Variants in LRP1B observed in about 807,000 individuals in gnomAD.
LRP1B encodes low-density lipoprotein receptor-related protein 1B.
A neutral mutation model predicts 556.6 loss-of-function variants in LRP1B; 217 were observed. The observed-to-expected ratio is 0.39, with a 90% CI of 0.35 to 0.44. The LOEUF (loss-of-function observed/expected upper bound fraction) is 0.44, where lower values mean the gene tolerates loss of function less well. Ranked by LOEUF, LRP1B falls within the 20% of genes least tolerant of loss-of-function variation. LRP1B has a pLI of 1.00. For missense variants in LRP1B, 5,053 were observed against 5,620.8 expected (o/e 0.90, Z 3.23); for synonymous variants, 2,047 against 1,865.8 (o/e 1.10, Z -2.50).
chr2:141,789,615 C>A (rs1695544801), intron 2 of LRP1B, among the ~76,000 whole-genome samples: 1 of 151,812 alleles, frequency 6.6e-6, no homozygotes, highest in East Asian at 1.9e-4. Context: ...TAAAAAAATT[C>A]ATATGGAACA....
intron 1 of LRP1B, among the ~76,000 whole-genome samples, chr2:141,995,981 C>T (rs771615533): frequency 4.6e-5 from 7 of 152,022 alleles, no homozygotes; most frequent in Non-Finnish European, 8.8e-5. Context: ...AGGCAGGAAG[C>T]GGTGGCTCAC....
intron 32 of LRP1B, among the ~76,000 whole-genome samples, chr2:140,799,038 T>A (rs1690415473): frequency 6.6e-6 from 1 of 152,192 alleles, no homozygotes; most frequent in African/African-American, 2.4e-5. Context: ...AAAAAATATA[T>A]AATTAATTTA....
rs1284985676 is a variant in LRP1B at position 140,966,123 on chromosome 2, T to C, written c.2888-14183A>G. ...TTTCTAGTTCTAGATCCTTGAGGAA[T>C]CACCACACCGTCTTCTACAATGGTT... On this transcript the variant is annotated intron_variant, in intron 18 of 90. Coordinates refer to ENST00000389484, the MANE Select transcript of LRP1B (RefSeq NM_018557.3). Among the ~76,000 whole-genome samples the C allele has an allele frequency of 3.9e-5, 6 of 152,348 alleles. No homozygotes were observed. The East Asian group carries it at 1.2e-3, about 29-fold the overall frequency.
At chr2:141,860,693 T>C (rs1221475374) in intron 1 of LRP1B, among the ~76,000 whole-genome samples, 2 of 152,134 alleles carry the variant, frequency 1.3e-5, no homozygotes, top group African/African-American at 4.8e-5. Context: ...TAAATAAAAA[T>C]AATGAAACAC....
In LRP1B at chr2:141,570,674, G is replaced by A. The variant is rs190257915; in HGVS notation, c.206-90141C>T. ...TAAGCTCCCCGGTTGGGGGAAGGGCGGCATCCATCTCTATAGCTTCAGGCT... is the reference window on the plus strand; with the variant it reads ...TAAGCTCCCCGGTTGGGGGAAGGGCAGCATCCATCTCTATAGCTTCAGGCT... On this transcript the variant is annotated intron_variant, in intron 2 of 90. Transcript: ENST00000389484. 6.4e-3 allele frequency among the ~76,000 whole-genome samples: 969 copies of A among 151,336 alleles called. 34 individuals carry two copies. The highest frequency in any genetic ancestry group is 0.015 in the South Asian group (70 of 4,806).
intron 32 of LRP1B, among the ~76,000 whole-genome samples, chr2:140,799,359 C>T (rs867100624): frequency 1.3e-5 from 2 of 152,162 alleles, no homozygotes; most frequent in Middle Eastern, 3.4e-3. Context: ...TGTGTAAGAA[C>T]CCGTCAAGAA....
At chr2:141,335,216 A>G (rs1411598441) in intron 3 of LRP1B, among the ~76,000 whole-genome samples, 1 of 152,242 alleles carries the variant, frequency 6.6e-6, no homozygotes, top group Non-Finnish European at 1.5e-5. Flanking sequence ...AAAGCACAGT[A>G]CAAGATGATA....
intron 2 of LRP1B, among the ~76,000 whole-genome samples, chr2:141,748,377 C>A (rs750532075): frequency 6.6e-6 from 1 of 152,130 alleles, no homozygotes; most frequent in Non-Finnish European, 1.5e-5. Flanking sequence ...AATATTTTAT[C>A]TCTAACCCTA....
chr2:141,012,914 T>A (rs956995878), intron 14 of LRP1B, among the ~76,000 whole-genome samples: 1 of 151,938 alleles, frequency 6.6e-6, no homozygotes, highest in African/African-American at 2.4e-5. Context: ...ACCTACCACA[T>A]AATTTACTAA....
chr2:141,299,635 C>T (rs1185855680), intron 3 of LRP1B, among the ~76,000 whole-genome samples: 2 of 152,090 alleles, frequency 1.3e-5, no homozygotes, highest in African/African-American at 2.4e-5. Flanking sequence ...TAATTGTACA[C>T]GGACTGTCTC....
intron 2 of LRP1B, among the ~76,000 whole-genome samples, chr2:141,793,370 T>C (rs984340863): frequency 6.6e-6 from 1 of 151,934 alleles, no homozygotes; most frequent in Non-Finnish European, 1.5e-5. Context: ...CTACTACTAC[T>C]TAAACACATT....
intron 74 of LRP1B, among the ~76,000 whole-genome samples, chr2:140,357,493 A>G (rs772798093): frequency 2.6e-4 from 40 of 151,770 alleles, no homozygotes; most frequent in Middle Eastern, 6.8e-3. Context: ...ACCAAGCATT[A>G]GACACAAACT....
chr2:141,014,777 A>C (rs1352428956), intron 13 of LRP1B, among the ~76,000 whole-genome samples: 2 of 152,114 alleles, frequency 1.3e-5, no homozygotes, highest in African/African-American at 2.4e-5. Flanking sequence ...GGAAGCATAA[A>C]GATTTATCTA....
At chr2:141,782,135 C>G (rs1331055194) in intron 2 of LRP1B, among the ~76,000 whole-genome samples, 1 of 152,088 alleles carries the variant, frequency 6.6e-6, no homozygotes, top group Non-Finnish European at 1.5e-5. Flanking sequence ...CAGTGAGTTA[C>G]AGCACCAGTA....
chr2:142,015,886 G>T (rs922006742), intron 1 of LRP1B, among the ~76,000 whole-genome samples: 2 of 150,192 alleles, frequency 1.3e-5, no homozygotes, highest in Non-Finnish European at 3.0e-5. Context: ...CAGCTACTCG[G>T]GAGGCTGAGG....
intron 25 of LRP1B, among the ~76,000 whole-genome samples, chr2:140,869,877 G>C (rs1288925887): frequency 6.6e-6 from 1 of 152,012 alleles, no homozygotes. Context: ...TTGGGGCTCA[G>C]AGAATAATAT....
chr2:140,274,729 A>G, intron 84 of LRP1B, 131 bp from the exon 85 acceptor site: 1 of 677,506 alleles, frequency 1.5e-6, no homozygotes, highest in South Asian at 2.2e-5. Flanking sequence ...GCAGCTTATA[A>G]TTACACATGA....
chr2:140,234,971 A>G, intron 89 of LRP1B, 87 bp from the exon 90 acceptor site: 1 of 637,576 alleles, frequency 1.6e-6, no homozygotes, highest in Non-Finnish European at 2.9e-6. Flanking sequence ...TCATAAAAAT[A>G]ACATAAAAAT....
Position 140,860,925 on chromosome 2 carries a change from G to C in LRP1B, c.4579+6665C>G, listed in dbSNP as rs145722264. On this transcript the variant is annotated intron_variant, in intron 27 of 90. Transcript: ENST00000389484. ...GTTACAGACAACTCCCTTACAGGGTGGGGGAGGAGAGTTTGGCGGCAATGT... is the reference window on the plus strand; with the variant it reads ...GTTACAGACAACTCCCTTACAGGGTCGGGGAGGAGAGTTTGGCGGCAATGT... 5.4e-3 allele frequency among the ~76,000 whole-genome samples: 817 copies of C among 152,230 alleles called. 7 individuals carry two copies. Among genetic ancestry groups the C allele is most frequent in the South Asian group, 8.3e-3 (40 of 4,824 alleles).
Sources: allele counts gnomAD v4.1 joint callset (sites outside exome capture counted in the v4.1 genomes callset), GRCh38; gene constraint gnomAD v4.1.1; transcripts MANE v1.5; gene names NCBI Gene and HGNC (gene_info 2026-07-23, HGNC 2026-07-21).